RGS20: variants seen among roughly 807,000 people sequenced by gnomAD.
RGS20 encodes the protein gz-selective GTPase-activating protein.
Under a neutral mutation model 33.6 loss-of-function variants are expected in RGS20, and 30 were observed. That is an observed-to-expected ratio of 0.89 (90% CI 0.67 to 1.21). The LOEUF (loss-of-function observed/expected upper bound fraction) is 1.21, where lower values mean the gene tolerates loss of function less well. RGS20 is among the 50% of genes most tolerant of loss of function. The pLI is 0.00. For synonymous variants in RGS20, 208 were observed against 197.9 expected, an observed-to-expected ratio of 1.05 and a Z score of -0.43; for missense variants, 472 against 502.4, an observed-to-expected ratio of 0.94 and a Z score of 0.58.
chr8:53,881,617 G>C (rs1224390210), intron 2 of RGS20, among the ~76,000 whole-genome samples: 1 of 152,106 alleles, frequency 6.6e-6, no homozygotes, highest in African/African-American at 2.4e-5. Context: ...ACCAGGGCAG[G>C]GGCACCGAGG....
chr8:53,864,430 G>GAAA (rs754317203), intron 1 of RGS20, among the ~76,000 whole-genome samples: 7 of 82,896 alleles, frequency 8.4e-5, no homozygotes, highest in Non-Finnish European at 1.2e-4. Flanking sequence ...AAGACTCCAT[G>GAAA]AAAAAAAAAA....
chr8:53,931,386 C>T (rs1011164710), intron 2 of RGS20, among the ~76,000 whole-genome samples: 1 of 152,190 alleles, frequency 6.6e-6, no homozygotes, highest in African/African-American at 2.4e-5. Flanking sequence ...GAAACCCCAT[C>T]TCTACTAAAA....
At chr8:53,893,383 G>C (rs1812769388) in intron 2 of RGS20, among the ~76,000 whole-genome samples, 1 of 152,140 alleles carries the variant, frequency 6.6e-6, no homozygotes, top group African/African-American at 2.4e-5. Flanking sequence ...GATGAAAATA[G>C]TAAACCTGGA....
At chr8:53,953,281 G>C (rs1201996655) in intron 4 of RGS20, among the ~76,000 whole-genome samples, 4 of 152,188 alleles carry the variant, frequency 2.6e-5, no homozygotes, top group African/African-American at 9.7e-5. Flanking sequence ...AGCACTCTGG[G>C]AGGCCAAGGT....
chr8:53,878,177 G>A (rs1218740955), intron 1 of RGS20, among the ~76,000 whole-genome samples: 1 of 152,046 alleles, frequency 6.6e-6, no homozygotes, highest in East Asian at 1.9e-4. Context: ...TTTTTGTTTG[G>A]CATGAGGGGG....
chr8:53,929,874 AT>A (rs577942759), intron 2 of RGS20, among the ~76,000 whole-genome samples: 236 of 152,222 alleles, frequency 1.6e-3, no homozygotes, highest in African/African-American at 5.3e-3. Context: ...TAAAATTAAA[AT>A]TTTTTTTAAT....
chr8:53,909,920 C>T (rs1380648184), intron 2 of RGS20, among the ~76,000 whole-genome samples: 3 of 152,008 alleles, frequency 2.0e-5, no homozygotes, highest in Non-Finnish European at 4.4e-5. Context: ...CTTCTAGAGT[C>T]CTTTGTATCT....
rs575462977 is a variant in RGS20, at chr8:53,931,604, G to A, written c.511-7972G>A. ...CAACAACAACAACAAACAACCTGTG[G>A]CTGGCAAACTGGCTGAATAGGAACA... On this transcript the variant is annotated intron_variant, in intron 2 of 5. Transcript: ENST00000297313. Among the ~76,000 whole-genome samples, 5 of 151,854 alleles carry A rather than the reference G, an allele frequency of 3.3e-5. No individual in the cohort carries two copies. In the East Asian group the frequency reaches 5.8e-4, roughly 18 times the overall value.
intron 5 of RGS20, among the ~76,000 whole-genome samples, chr8:53,957,775 G>A (rs186915413): frequency 2.5e-4 from 38 of 152,350 alleles, no homozygotes; most frequent in African/African-American, 8.9e-4. Flanking sequence ...TGACATTTGA[G>A]AACTGCGTTG....
In RGS20 at chr8:53,868,153, G is replaced by A. The variant is rs531454506; in HGVS notation, c.166-11105G>A. On this transcript the variant is annotated intron_variant, in intron 1 of 5. Transcript: ENST00000297313. ...GTCAGTAATTCAACCTCCTGTGTAG[G>A]CTTGGAAATATGGGATTAGTAATTA... Among the ~76,000 whole-genome samples the A allele has an allele frequency of 6.6e-5, 10 of 152,222 alleles. No individual in the cohort carries two copies. The South Asian group carries it at 1.9e-3, about 28-fold the overall frequency.
chr8:53,856,853 G>A (rs1811685786), intron 1 of RGS20, among the ~76,000 whole-genome samples: 1 of 152,148 alleles, frequency 6.6e-6, no homozygotes, highest in Admixed American at 6.5e-5. Flanking sequence ...CCCTTGAGCA[G>A]CTGATCAAAG....
At chr8:53,957,027 A>G (rs1005303921) in intron 5 of RGS20, among the ~76,000 whole-genome samples, 2 of 152,310 alleles carry the variant, frequency 1.3e-5, no homozygotes, top group Middle Eastern at 6.8e-3. Flanking sequence ...AACCTAAGAC[A>G]TTACCATCAT....
rs149976033 is a variant in RGS20 at position 53,859,939 on chromosome 8, G to A, written c.165+7875G>A. Among the ~76,000 whole-genome samples, 74 of 152,276 alleles carry A rather than the reference G, an allele frequency of 4.9e-4. 1 individual carries two copies. The highest frequency in any genetic ancestry group is 1.5e-5 in the Non-Finnish European group (1 of 68,020). ...ACCGGGTCCCTCCCATGACATATGG[G>A]GATTATGGGAGCTACAATTCAAGAT... On this transcript the variant is annotated intron_variant, in intron 1 of 5. Transcript: ENST00000297313.
chr8:53,856,404 A>G (rs1176303335), intron 1 of RGS20, among the ~76,000 whole-genome samples: 1 of 152,056 alleles, frequency 6.6e-6, no homozygotes, highest in Non-Finnish European at 1.5e-5. Context: ...TTTTTAGTAC[A>G]GACAGGGTTT....
chr8:53,918,189 T>A (rs2129285549), intron 2 of RGS20, among the ~76,000 whole-genome samples: 1 of 152,266 alleles, frequency 6.6e-6, no homozygotes, highest in South Asian at 2.1e-4. Context: ...AATTCCTGAA[T>A]ATTTTCATAA....
At chr8:53,927,451 C>T (rs1383330201) in intron 2 of RGS20, among the ~76,000 whole-genome samples, 3 of 152,076 alleles carry the variant, frequency 2.0e-5, no homozygotes, top group Non-Finnish European at 4.4e-5. Context: ...GCGATCCACC[C>T]GCCTCATCCT....
At chr8:53,867,863 C>G (rs1035114835) in intron 1 of RGS20, among the ~76,000 whole-genome samples, 2 of 152,042 alleles carry the variant, frequency 1.3e-5, no homozygotes, top group African/African-American at 4.8e-5. Context: ...GCTGGGACTA[C>G]AGGCACACGC....
chr8:53,883,456 G>A (rs538295669), intron 2 of RGS20, among the ~76,000 whole-genome samples: 8 of 152,172 alleles, frequency 5.3e-5, no homozygotes, highest in East Asian at 1.9e-4. Flanking sequence ...GAGCCACTGC[G>A]CCTGGCCATA....
intron 1 of RGS20, among the ~76,000 whole-genome samples, chr8:53,858,037 A>C (rs1185710625): frequency 6.6e-6 from 1 of 152,202 alleles, no homozygotes; most frequent in African/African-American, 2.4e-5. Flanking sequence ...AAATAAAAAA[A>C]TAAAATAAAA....
Sources: gnomAD v4.1 joint callset for allele counts (sites outside exome capture counted in the v4.1 genomes callset) on GRCh38, gnomAD v4.1.1 for gene constraint, MANE v1.5 for transcripts, NCBI Gene and HGNC (gene_info 2026-07-23, HGNC 2026-07-21) for gene names.